Variants in ATRNL1 observed in about 807,000 individuals in gnomAD.
The protein encoded by ATRNL1 is attractin-like protein 1.
Under a neutral mutation model 182.7 loss-of-function variants are expected in ATRNL1, and 95 were observed. That is an observed-to-expected ratio of 0.52 (90% confidence interval 0.44 to 0.62). The LOEUF (loss-of-function observed/expected upper bound fraction) is 0.62. ATRNL1 is among the 20% of genes least tolerant of loss of function. The pLI is 0.00. For synonymous variants in ATRNL1, 576 were observed against 568.3 expected (o/e 1.01, Z -0.19); for missense variants, 1,471 against 1,679.5 (o/e 0.88, Z 2.17).
chr10:115,127,653 T>C lies in ATRNL1; in HGVS notation c.552T>C (p.Ser184=). ...NETVPEVVTT[S]GYALLHFFSD... is the part of the protein sequence containing the mutation. ...CTGTGCCTGAAGTTGTTACTACATC[T>C]GGCTATGCACTGTTACATTTTTTTA... Residue 184 remains serine (S), a synonymous_variant, in exon 4 of 29, where the codon TCT becomes TCC. Transcript: ENST00000355044. 6.2e-7 allele frequency: 1 copy of C among 1,602,768 alleles called. No homozygotes were observed. Among genetic ancestry groups the C allele is most frequent in the African/African-American group, 1.3e-5 (1 of 74,298 alleles).
intron 19 of ATRNL1, among the ~76,000 whole-genome samples, chr10:115,337,312 A>G (rs1342514099): frequency 6.6e-6 from 1 of 152,214 alleles, no homozygotes; most frequent in African/African-American, 2.4e-5. Context: ...CTGCTCAAGC[A>G]TTTATCCTTT....
At chr10:115,552,483 A>G (rs1052615981) in intron 26 of ATRNL1, among the ~76,000 whole-genome samples, 2 of 151,320 alleles carry the variant, frequency 1.3e-5, no homozygotes, top group African/African-American at 2.4e-5. Flanking sequence ...GAAATTATGT[A>G]GTTTTATTTC....
At chr10:115,238,601 C>A (rs1850281042) in intron 9 of ATRNL1, among the ~76,000 whole-genome samples, 1 of 152,032 alleles carries the variant, frequency 6.6e-6, no homozygotes, top group Admixed American at 6.6e-5. Context: ...GCTATGCTAG[C>A]TTATTAGTTC....
intron 20 of ATRNL1, among the ~76,000 whole-genome samples, chr10:115,403,191 T>TACTAAA (rs1480954734): frequency 6.6e-6 from 1 of 151,478 alleles, no homozygotes; most frequent in Non-Finnish European, 1.5e-5. Flanking sequence ...TTCTGGCACA[T>TACTAAA]ACTAGGGACT....
intron 27 of ATRNL1, among the ~76,000 whole-genome samples, chr10:115,757,544 G>T (rs1309116244): frequency 2.6e-5 from 4 of 152,152 alleles, no homozygotes; most frequent in African/African-American, 9.7e-5. Context: ...AGTCTGATGG[G>T]CTTCCCTTTG....
chr10:115,540,022 T>C (rs1161414505), intron 25 of ATRNL1, among the ~76,000 whole-genome samples: 1 of 151,702 alleles, frequency 6.6e-6, no homozygotes, highest in East Asian at 1.9e-4. Flanking sequence ...GAGATATGCC[T>C]AATGTAAATG....
intron 19 of ATRNL1, among the ~76,000 whole-genome samples, chr10:115,374,758 T>C (rs539929660): frequency 1.3e-4 from 20 of 152,032 alleles, no homozygotes; most frequent in African/African-American, 3.9e-4. Context: ...GATAGTTTAA[T>C]TTCCACATCT....
At position 115,358,026 on chromosome 10, in the gene ATRNL1, A is replaced by G. The variant is rs112080261; in HGVS notation, c.3175+23607A>G. Among the ~76,000 whole-genome samples the G allele has an allele frequency of 5.0e-3, 756 of 151,568 alleles. 5 individuals are homozygous for G. The highest frequency in any genetic ancestry group is 0.016 in the African/African-American group (672 of 41,474). On this transcript the variant is annotated intron_variant, in intron 19 of 28. Transcript: ENST00000355044. ...AACTGATCCTGGCTCTGCACTATCT[A>G]TGATATTTATTCCCTTCTTGGAGTT...
intron 24 of ATRNL1, among the ~76,000 whole-genome samples, chr10:115,491,125 C>T (rs1849279786): frequency 6.6e-6 from 1 of 152,150 alleles, no homozygotes; most frequent in Non-Finnish European, 1.5e-5. Flanking sequence ...AGAGGGGCAC[C>T]TGCCAAATGC....
At chr10:115,542,529 G>T (rs990585234) in intron 25 of ATRNL1, among the ~76,000 whole-genome samples, 1 of 152,076 alleles carries the variant, frequency 6.6e-6, no homozygotes, top group African/African-American at 2.4e-5. Context: ...CCTTGGAACT[G>T]CTGCGTTCAT....
At chr10:115,643,619 A>C (rs1489609782) in intron 26 of ATRNL1, among the ~76,000 whole-genome samples, 2 of 152,196 alleles carry the variant, frequency 1.3e-5, no homozygotes, top group African/African-American at 2.4e-5. Flanking sequence ...GCAGTTTTTA[A>C]AAAGGGCAAA....
intron 26 of ATRNL1, among the ~76,000 whole-genome samples, chr10:115,720,833 T>C (rs1555057554): frequency 1.3e-5 from 2 of 152,242 alleles, no homozygotes; most frequent in Non-Finnish European, 2.9e-5. Context: ...AATAGGAATG[T>C]GTCAGTAATT....
At chr10:115,583,403 G>C (rs1555008487) in intron 26 of ATRNL1, among the ~76,000 whole-genome samples, 2 of 108,468 alleles carry the variant, frequency 1.8e-5, no homozygotes, top group South Asian at 4.2e-4. Context: ...TCTTCCATTT[G>C]TTTGTATCCT....
chr10:115,362,354 TG>T (rs1856789999), intron 19 of ATRNL1, among the ~76,000 whole-genome samples: 1 of 152,052 alleles, frequency 6.6e-6, no homozygotes, highest in South Asian at 2.1e-4. Flanking sequence ...AATTGACCAG[TG>T]AAAATTATGT....
chr10:115,537,823 C>T (rs1852126031), intron 25 of ATRNL1, among the ~76,000 whole-genome samples: 1 of 152,078 alleles, frequency 6.6e-6, no homozygotes, highest in South Asian at 2.1e-4. Context: ...ACCAGCTCTC[C>T]CAGGATACAG....
chr10:115,635,806 G>GA (rs1429557278), intron 26 of ATRNL1, among the ~76,000 whole-genome samples: 4 of 151,958 alleles, frequency 2.6e-5, no homozygotes, highest in Admixed American at 6.6e-5. Flanking sequence ...CACTGTACAG[G>GA]AAAAAAATCA....
chr10:115,692,941 A>G (rs1414627225), intron 26 of ATRNL1, among the ~76,000 whole-genome samples: 3 of 152,046 alleles, frequency 2.0e-5, no homozygotes, highest in Non-Finnish European at 4.4e-5. Context: ...TGAATGCAAC[A>G]TCCCTCTTTA....
chr10:115,724,080 C>T (rs560902907), intron 26 of ATRNL1, among the ~76,000 whole-genome samples: 2 of 152,256 alleles, frequency 1.3e-5, no homozygotes, highest in South Asian at 4.1e-4. Context: ...AGTTATAAAA[C>T]AGACACATCT....
At chr10:115,422,467 T>C (rs1554962098) in intron 20 of ATRNL1, among the ~76,000 whole-genome samples, 1 of 151,914 alleles carries the variant, frequency 6.6e-6, no homozygotes, top group African/African-American at 2.4e-5. Context: ...ATTAGAGAAA[T>C]GCAAATCAGA....
Sources: allele counts gnomAD v4.1 joint callset (sites outside exome capture counted in the v4.1 genomes callset), GRCh38; gene constraint gnomAD v4.1.1; transcripts MANE v1.5; gene names NCBI Gene and HGNC (gene_info 2026-07-23, HGNC 2026-07-21).